FANCD2: variants seen among roughly 807,000 people sequenced by gnomAD.
FANCD2 encodes FA complementation group D2, also known as Fanconi anemia group D2 protein.
Under a neutral mutation model 192.3 loss-of-function variants are expected in FANCD2, and 131 were observed. The ratio of observed to expected loss-of-function variants is 0.68; its 90% CI spans 0.59 to 0.79. The LOEUF (loss-of-function observed/expected upper bound fraction) is 0.79, where lower values mean the gene tolerates loss of function less well. Ranked by LOEUF, FANCD2 falls within the 30% of genes least tolerant of loss-of-function variation. The pLI is 0.00. For missense variants in FANCD2, 1,508 were observed against 1,701.6 expected, an observed-to-expected ratio of 0.89 and a Z score of 2.00; for synonymous variants, 524 against 612.5, an observed-to-expected ratio of 0.86 and a Z score of 2.13.
At chr3:10,028,777 A>G (rs1333170818) in intron 2 of FANCD2, 56 bp downstream of exon 2, 11 of 1,412,572 alleles carry the variant, frequency 7.8e-6, no homozygotes, top group Non-Finnish European at 1.1e-5. Context: ...GAGGCATGTG[A>G]GAGATATAAA....
chr3:10,081,232 A>T lies in FANCD2; in HGVS notation c.3105+4A>T. On this transcript the variant is annotated splice_donor_region_variant and intron_variant, in intron 31 of 43. Coordinates refer to ENST00000675286, the MANE Select transcript of FANCD2 (RefSeq NM_001018115.3). ...GAACATTCACAACTATTTTCAGGTC[A>T]GAAGCCTAGACTTAGAAGCTGCTAA... 1.2e-6 allele frequency: 2 copies of T among 1,614,134 alleles called. No individual in the cohort carries two copies. The highest frequency in any genetic ancestry group is 1.7e-6 in the Non-Finnish European group (2 of 1,180,042).
In FANCD2 at chr3:10,062,412, TTA is replaced by T. The variant is rs542143076; in HGVS notation, c.1827+203_1827+204del. Among the ~76,000 whole-genome samples the T allele has an allele frequency of 2.0e-5, 3 of 151,248 alleles. No homozygotes were observed. The South Asian group carries it at 6.3e-4, about 32-fold the overall frequency. On this transcript the variant is annotated intron_variant, in intron 20 of 43. Transcript: ENST00000675286. The stretch of plus-strand genomic sequence containing the variant: ...CGCACCACCACACCCGGCTAATTTT[TTA>T]TGTTTTTGGTAGAGACGAGGTTTCA...
intron 2 of FANCD2, among the ~76,000 whole-genome samples, chr3:10,031,537 A>G (rs1238261116): frequency 6.6e-6 from 1 of 151,626 alleles, no homozygotes; most frequent in East Asian, 1.9e-4. Flanking sequence ...AGAGGAATTG[A>G]AGAAGGAAAA....
chr3:10,048,024 T>C lies in FANCD2; in HGVS notation c.1386T>C (p.Phe462=), dbSNP rs1329172269. Residue 462 remains phenylalanine, a synonymous_variant, in exon 16 of 44, where the codon TTT becomes TTC. Coordinates refer to ENST00000675286, the MANE Select transcript of FANCD2 (RefSeq NM_001018115.3). The part of the protein sequence containing the change: ...SFGSLLYKYA[F]KFFDTYCQQE... ...GCAGTCTCCTATACAAATATGCATT[T>C]AAGTTTTTTGACACGTACTGCCAGC... The C allele has an allele frequency of 1.9e-6, 3 of 1,614,276 alleles. No homozygotes were observed. The highest frequency in any genetic ancestry group is 2.5e-6 in the Non-Finnish European group (3 of 1,180,058).
chr3:10,040,595 T>C, intron 9 of FANCD2: 1 of 456,178 alleles, frequency 2.2e-6, no homozygotes, highest in Non-Finnish European at 4.4e-6. Context: ...CATTGCTTAC[T>C]GTCATTCATT....
rs147675860 is a variant in FANCD2 at position 10,087,244 on chromosome 3, C to T, written c.3446C>T (p.Ala1149Val). ...ATTTTGGAGAAATCAACAGCTTCTG[C>T]TCAGAACAAAGAAAAAATTGGTGAT... ...MVILEKSTASAQNKEKIASLA... is the reference protein window; with the variant it reads ...MVILEKSTASVQNKEKIASLA... Residue 1149 changes from alanine (A) to valine (V), a missense_variant, in exon 34 of 44, where the codon GCT becomes GTT. Physicochemically the swap from Ala to Val is moderately conservative, Grantham distance 64 (BLOSUM62 0). Transcript: ENST00000675286. 3.7e-4 allele frequency: 596 copies of T among 1,605,114 alleles called. 8 individuals are homozygous for T. The East Asian group carries it at 0.01, about 28-fold the overall frequency.
At position 10,046,728 on chromosome 3, in the gene FANCD2, G is replaced by A; in HGVS notation, c.1278+5G>A. ...ACATTCTCTGTTCATTACTTAGTAA[G>A]TGTCAGAGACTATTGATTTTTAATC... On this transcript the variant is annotated splice_donor_5th_base_variant and intron_variant, in intron 15 of 43. Transcript: ENST00000675286. The A allele has an allele frequency of 3.5e-6, 1 of 286,646 alleles. No individual in the cohort carries two copies. Among genetic ancestry groups the A allele is most frequent in the East Asian group, 6.9e-5 (1 of 14,474 alleles). 17.8% of individuals were successfully genotyped at this position (286,646 alleles called of 1,614,324 possible). A position where few individuals can be genotyped will look rare whatever the true frequency, so the allele number is the denominator to read the frequency against.
At position 10,059,192 on chromosome 3, in the gene FANCD2, T is replaced by C. The variant is rs547298856; in HGVS notation, c.1657-1102T>C. 3.9e-5 allele frequency among the ~76,000 whole-genome samples: 6 copies of C among 152,148 alleles called. No individual in the cohort carries two copies. In the South Asian group the frequency reaches 1.2e-3, roughly 32 times the overall value. ...CCACAGCTGGCTAATTTTTGTATTTTCTATAGAGATGAGGTTTTGCCATGT... is the reference window on the plus strand; with the variant it reads ...CCACAGCTGGCTAATTTTTGTATTTCCTATAGAGATGAGGTTTTGCCATGT... On this transcript the variant is annotated intron_variant, in intron 18 of 43. Transcript: ENST00000675286.
At chr3:10,061,558 T>C (rs1171457326) in intron 19 of FANCD2, among the ~76,000 whole-genome samples, 2 of 152,184 alleles carry the variant, frequency 1.3e-5, no homozygotes, top group African/African-American at 4.8e-5. Flanking sequence ...ATAAGGATAA[T>C]AATAGGATTT....
intron 19 of FANCD2, 134 bp downstream of exon 19, chr3:10,060,537 A>G: frequency 1.4e-6 from 1 of 730,694 alleles, no homozygotes; most frequent in Non-Finnish European, 2.5e-6. Flanking sequence ...CTACTTTTCC[A>G]TGTTCCCTTC....
At chr3:10,053,486 C>T (rs1395940896) in intron 18 of FANCD2, among the ~76,000 whole-genome samples, 2 of 151,398 alleles carry the variant, frequency 1.3e-5, no homozygotes, top group Admixed American at 1.3e-4. Context: ...ATGTAACTAA[C>T]CTGCACATTG....
At chr3:10,028,336 C>T (rs1046262885) in intron 1 of FANCD2, among the ~76,000 whole-genome samples, 2 of 152,078 alleles carry the variant, frequency 1.3e-5, no homozygotes, top group East Asian at 1.9e-4. Context: ...AGGACAGGTA[C>T]GTTGGGGATA....
Position 10,101,344 on chromosome 3 carries a change from C to A in FANCD2, c.*82C>A. ...GTTAGAGTTTGAAATCCGCTGTTTG[C>A]CTTTCTTACTGGTAGGATCCTTTTT... On this transcript the variant is annotated 3_prime_UTR_variant, in exon 44 of 44. Coordinates refer to ENST00000675286, the MANE Select transcript of FANCD2 (RefSeq NM_001018115.3). 1.1e-6 allele frequency: 1 copy of A among 928,010 alleles called. No individual in the cohort carries two copies. The highest frequency in any genetic ancestry group is 1.8e-6 in the Non-Finnish European group (1 of 569,126). The allele number at this position is 928,010 out of a possible 1,614,324, so 57.5% of individuals were successfully genotyped here.
intron 38 of FANCD2, 104 bp from the exon 39 acceptor site, chr3:10,093,181 A>T: frequency 2.5e-6 from 2 of 815,954 alleles, no homozygotes; most frequent in Middle Eastern, 4.9e-4. Context: ...TCCATTTTAG[A>T]ATTCTCTGCA....
intron 32 of FANCD2, 82 bp downstream of exon 32, chr3:10,081,546 A>G (rs1001530341): frequency 3.0e-6 from 3 of 990,200 alleles, no homozygotes; most frequent in Admixed American, 1.7e-5. Flanking sequence ...AATGTAGAAA[A>G]GAAAGAAAAG....
chr3:10,087,329 CAAA>C, intron 34 of FANCD2, 65 bp downstream of exon 34: 1 of 1,466,712 alleles, frequency 6.8e-7, no homozygotes, highest in Non-Finnish European at 9.1e-7. Context: ...CTCACACTTA[CAAA>C]CTTTGGGCTT....
intron 29 of FANCD2, among the ~76,000 whole-genome samples, chr3:10,077,743 G>A (rs990821768): frequency 1.3e-5 from 2 of 151,884 alleles, no homozygotes; most frequent in Non-Finnish European, 2.9e-5. Context: ...TTAAAAATTC[G>A]CTGGGCCCAG....
chr3:10,031,234 T>C (rs111782737), intron 2 of FANCD2, among the ~76,000 whole-genome samples: 1 of 152,154 alleles, frequency 6.6e-6, no homozygotes, highest in Non-Finnish European at 1.5e-5. Flanking sequence ...CCAGGCACGG[T>C]GGCTCACGCC....
chr3:10,047,231 G>A (rs34199062), intron 15 of FANCD2, among the ~76,000 whole-genome samples: 1,548 of 14,112 alleles, frequency 0.11, 4 homozygotes, highest in Non-Finnish European at 0.16. Flanking sequence ...TAGATTTAAC[G>A]GTTGTATTAT....
Sources: gnomAD v4.1 joint callset for allele counts (sites outside exome capture counted in the v4.1 genomes callset) on GRCh38, gnomAD v4.1.1 for gene constraint, MANE v1.5 for transcripts, NCBI Gene and HGNC (gene_info 2026-07-23, HGNC 2026-07-21) for gene names.